ZNF320: variants seen among roughly 807,000 people sequenced by gnomAD.
ZNF320 encodes the protein zinc finger gene 320.
A neutral mutation model predicts 6.8 loss-of-function variants in ZNF320; 2 were observed. That is an observed-to-expected ratio of 0.29 (90% CI 0.12 to 0.93). The LOEUF (loss-of-function observed/expected upper bound fraction) is 0.93. Ranked by LOEUF, ZNF320 falls within the 40% of genes least tolerant of loss-of-function variation. The probability of loss-of-function intolerance (pLI) is 0.55; values close to 1 mark genes in which losing one functional copy is unlikely to be tolerated. For synonymous variants in ZNF320, 208 were observed against 203.2 expected, an observed-to-expected ratio of 1.02 and a Z score of -0.20; for missense variants, 472 against 611.0, an observed-to-expected ratio of 0.77 and a Z score of 2.40.
chr19:52,891,490 G>T (rs1439138188), intron 2 of ZNF320, 144 bp from the exon 3 acceptor site: 1 of 153,438 alleles, frequency 6.5e-6, no homozygotes, highest in Non-Finnish European at 1.5e-5. Context: ...TAGACCTGAA[G>T]GAGCAGAAAG....
intron 1 of ZNF320, among the ~76,000 whole-genome samples, chr19:52,896,384 C>G (rs900913113): frequency 6.6e-6 from 1 of 152,220 alleles, no homozygotes; most frequent in Non-Finnish European, 1.5e-5. Context: ...AGCCATTGCA[C>G]ACGGCCTTTA....
chr19:52,867,620 T>C (rs951933909), intron 5 of ZNF320, among the ~76,000 whole-genome samples: 10 of 152,006 alleles, frequency 6.6e-5, no homozygotes, highest in African/African-American at 2.4e-4. Context: ...TTTTTCTTTC[T>C]TTATTTTTGA....
Position 52,890,347 on chromosome 19 carries a change from T to C in ZNF320, c.-73-19A>G, listed in dbSNP as rs1568726120. On this transcript the variant is annotated intron_variant, in intron 3 of 5. Coordinates refer to ENST00000682928, the MANE Select transcript of ZNF320 (RefSeq NM_001351774.2). ...GTCAATCCTAAATGTTAGAAATATGTTGTTTATCACTGAGAATCAACACAC... is the reference window on the plus strand; with the variant it reads ...GTCAATCCTAAATGTTAGAAATATGCTGTTTATCACTGAGAATCAACACAC... The C allele has an allele frequency of 6.6e-7, 1 of 1,518,494 alleles. No individual in the cohort carries two copies. The allele number at this position is 1,518,494 out of a possible 1,614,324, so 94.1% of individuals were successfully genotyped here.
rs542938498 is a variant in ZNF320, at chr19:52,890,906, T to C, written c.-74+323A>G. Among the ~76,000 whole-genome samples the C allele has an allele frequency of 2.0e-5, 3 of 151,372 alleles. No individual in the cohort carries two copies. In the South Asian group the frequency reaches 6.3e-4, roughly 32 times the overall value. On this transcript the variant is annotated intron_variant, in intron 3 of 5. Transcript: ENST00000682928. ...TGGCTCATGCCTGTAATACTAGCAC[T>C]CTGGAAGGCCGAGGTGGGTGGATTA...
intron 1 of ZNF320, chr19:52,895,282 T>G (rs1294435932): frequency 6.6e-6 from 1 of 151,726 alleles, no homozygotes; most frequent in African/African-American, 2.4e-5. Flanking sequence ...CTGACAAACA[T>G]GGAGAAACCC....
chr19:52,890,061 T>C (rs951929579), intron 4 of ZNF320, among the ~76,000 whole-genome samples, 180 bp downstream of exon 4: 1 of 152,104 alleles, frequency 6.6e-6, no homozygotes, highest in Non-Finnish European at 1.5e-5. Flanking sequence ...CCCAACTTCA[T>C]GTCACTTGGT....
At chr19:52,890,987 A>C (rs1283492472) in intron 3 of ZNF320, among the ~76,000 whole-genome samples, 1 of 152,014 alleles carries the variant, frequency 6.6e-6, no homozygotes, top group Non-Finnish European at 1.5e-5. Context: ...CCTGTCTCTT[A>C]CTAAAAATAC....
At chr19:52,866,327 G>A (rs1396088430) in intron 5 of ZNF320, among the ~76,000 whole-genome samples, 1 of 151,230 alleles carries the variant, frequency 6.6e-6, no homozygotes, top group Non-Finnish European at 1.5e-5. Flanking sequence ...CTGGGAGGCC[G>A]AGGTGGGCAG....
intron 5 of ZNF320, among the ~76,000 whole-genome samples, chr19:52,882,388 TG>T (rs1164508129): frequency 1.3e-5 from 2 of 152,140 alleles, no homozygotes; most frequent in African/African-American, 4.8e-5. Context: ...AACCAGACAA[TG>T]TACTATATTG....
At chr19:52,860,035 C>G (rs1281249080), downstream of ZNF320, among the ~76,000 whole-genome samples, 5 of 151,944 alleles carry the variant, frequency 3.3e-5, no homozygotes, top group East Asian at 9.7e-4. Context: ...GCCTCAGCCT[C>G]CAGAGTAGCT....
At chr19:52,883,586 C>T (rs1402626490) in intron 5 of ZNF320, 10 of 454,658 alleles carry the variant, frequency 2.2e-5, no homozygotes, top group Non-Finnish European at 4.4e-5. Flanking sequence ...GAAGAAAATA[C>T]ACAGAATTAT....
exon 6 of ZNF320, chr19:52,862,361 T>C: frequency 1.9e-6 from 1 of 513,830 alleles, no homozygotes; most frequent in Non-Finnish European, 4.0e-6. Context: ...ATGGTTTCTC[T>C]CCAGTATGAA....
chr19:52,865,510 T>TAATACA (rs1568692875), intron 5 of ZNF320: 3 of 135,626 alleles, frequency 2.2e-5, no homozygotes, highest in African/African-American at 8.9e-5. Context: ...ACATATATAT[T>TAATACA]TATATATTAT....
chr19:52,860,646 G>A (rs1317699217), downstream of ZNF320, among the ~76,000 whole-genome samples: 1 of 151,290 alleles, frequency 6.6e-6, no homozygotes, highest in Non-Finnish European at 1.5e-5. Flanking sequence ...GTATTTTAGT[G>A]TGCAAGTACT....
intron 1 of ZNF320, among the ~76,000 whole-genome samples, chr19:52,897,224 C>T (rs1047800398): frequency 6.6e-6 from 1 of 152,190 alleles, no homozygotes; most frequent in Non-Finnish European, 1.5e-5. Context: ...AGCCTTCGGA[C>T]AGGGGTGGCG....
intron 5 of ZNF320, among the ~76,000 whole-genome samples, chr19:52,884,161 C>A (rs2064005498): frequency 6.6e-6 from 1 of 152,164 alleles, no homozygotes; most frequent in Admixed American, 6.6e-5. Context: ...TTGGCTGGCA[C>A]CTTGCTCTTG....
upstream of ZNF320, among the ~76,000 whole-genome samples, chr19:52,902,021 GA>G (rs2064572921): frequency 6.8e-6 from 1 of 148,038 alleles, no homozygotes; most frequent in African/African-American, 2.5e-5. Context: ...TCTGGTTGAT[GA>G]AATACCAGGG....
chr19:52,875,304 CAG>C (rs1384571456), downstream of ZNF320, among the ~76,000 whole-genome samples: 3 of 152,128 alleles, frequency 2.0e-5, no homozygotes, highest in African/African-American at 7.2e-5. Context: ...GATGTCCCAG[CAG>C]AGAGCTGAGG....
upstream of ZNF320, among the ~76,000 whole-genome samples, chr19:52,898,579 G>C (rs1568736123): frequency 6.6e-6 from 1 of 152,236 alleles, no homozygotes; most frequent in Non-Finnish European, 1.5e-5. Context: ...GTAGAAGGAA[G>C]GGCTTTATTC....
Sources: allele counts gnomAD v4.1 joint callset (sites outside exome capture counted in the v4.1 genomes callset), GRCh38; gene constraint gnomAD v4.1.1; transcripts MANE v1.5; gene names NCBI Gene and HGNC (gene_info 2026-07-23, HGNC 2026-07-21).